Variants in PACRG observed in about 807,000 individuals in gnomAD.
PACRG encodes the protein parkin coregulated.
PACRG carries 29 observed loss-of-function variants against 29.7 expected under a neutral mutation model. That is an observed-to-expected ratio of 0.98 (90% CI 0.73 to 1.33). The LOEUF (loss-of-function observed/expected upper bound fraction) is 1.33, where lower values mean the gene tolerates loss of function less well. PACRG is among the 40% of genes most tolerant of loss of function. The pLI, the probability that PACRG is intolerant of heterozygous loss-of-function variation, is 0.00. For synonymous variants in PACRG, 116 were observed against 118.7 expected (o/e 0.98, Z 0.15); for missense variants, 279 against 316.2 (o/e 0.88, Z 0.89).
At chr6:163,265,580 G>A (rs1783502968) in intron 4 of PACRG, among the ~76,000 whole-genome samples, 1 of 152,150 alleles carries the variant, frequency 6.6e-6, no homozygotes, top group Non-Finnish European at 1.5e-5. Flanking sequence ...TATATAATAA[G>A]CATATAGTGT....
intron 2 of PACRG, among the ~76,000 whole-genome samples, chr6:162,944,247 T>C (rs1039353184): frequency 6.6e-6 from 1 of 152,138 alleles, no homozygotes; most frequent in African/African-American, 2.4e-5. Context: ...AGAGAAACTA[T>C]ACTACTGCAT....
chr6:162,846,293 G>A (rs1161963576), intron 2 of PACRG, among the ~76,000 whole-genome samples: 2 of 152,224 alleles, frequency 1.3e-5, no homozygotes, highest in African/African-American at 2.4e-5. Flanking sequence ...ATTTTACAGT[G>A]CAGAGCTTGG....
chr6:162,831,283 A>G (rs1877769), intron 2 of PACRG, among the ~76,000 whole-genome samples: 26,194 of 152,110 alleles, frequency 0.17, 2,469 homozygotes, highest in East Asian at 0.34. Context: ...TGTTCAATTT[A>G]TATTTATTGC....
intron 1 of PACRG, among the ~76,000 whole-genome samples, chr6:162,786,574 G>T (rs1054568251): frequency 7.2e-5 from 11 of 152,202 alleles, no homozygotes; most frequent in South Asian, 4.1e-4. Context: ...GAGAAGGGTA[G>T]AGCCATAGTG....
chr6:163,256,743 C>T (rs1783125789), intron 4 of PACRG, among the ~76,000 whole-genome samples: 1 of 152,194 alleles, frequency 6.6e-6, no homozygotes, highest in Non-Finnish European at 1.5e-5. Context: ...ACTGTGAGGA[C>T]ACTGACGGTG....
At chr6:162,752,578 A>G (rs558270745) in intron 1 of PACRG, among the ~76,000 whole-genome samples, 111 of 152,300 alleles carry the variant, frequency 7.3e-4, no homozygotes, top group African/African-American at 2.6e-3. Flanking sequence ...TAGGAAACCA[A>G]TGTTTCCCAA....
rs972136852 is a variant in PACRG, at chr6:163,100,956, G to A, written c.613+11548G>A. On this transcript the variant is annotated intron_variant, in intron 4 of 4. Coordinates refer to ENST00000366888, the MANE Select transcript of PACRG (RefSeq NM_001080379.2). ...AAAGAAGAAAGGTAAAGATGGCAACGTAATTATGACCAAGTTCTGTTCAGA... is the reference window on the plus strand; with the variant it reads ...AAAGAAGAAAGGTAAAGATGGCAACATAATTATGACCAAGTTCTGTTCAGA... The A allele has an allele frequency of 1.5e-5, 15 of 984,802 alleles. No individual in the cohort carries two copies. The African/African-American group carries it at 1.7e-4, about 11-fold the overall frequency. The allele number at this position is 984,802 out of a possible 1,614,324, so 61.0% of individuals were successfully genotyped here.
At chr6:162,925,333 ACATAAAACCCTGG>A (rs1797354833) in intron 2 of PACRG, among the ~76,000 whole-genome samples, 1 of 152,158 alleles carries the variant, frequency 6.6e-6, no homozygotes, top group African/African-American at 2.4e-5. Context: ...TATCATCCTG[ACATAAAACCCTGG>A]CAGAGACACA....
intron 4 of PACRG, among the ~76,000 whole-genome samples, chr6:163,231,776 G>A (rs1287430539): frequency 5.3e-5 from 8 of 152,126 alleles, no homozygotes; most frequent in African/African-American, 1.9e-4. Context: ...TCAACAAGCA[G>A]AGATCCATTT....
At chr6:163,222,787 AAC>A (rs1407601476) in intron 4 of PACRG, among the ~76,000 whole-genome samples, 3 of 152,184 alleles carry the variant, frequency 2.0e-5, no homozygotes, top group Non-Finnish European at 2.9e-5. Context: ...CAGATAAATA[AAC>A]AGTTATAAGT....
chr6:162,875,235 GCACAGACATTCACA>G (rs888384958), intron 2 of PACRG, among the ~76,000 whole-genome samples: 17 of 141,592 alleles, frequency 1.2e-4, no homozygotes, highest in Admixed American at 4.2e-4. Flanking sequence ...ACACAGACAT[GCACAGACATTCACA>G]CACAGACATG....
chr6:163,034,499 C>T (rs1053915412), intron 2 of PACRG, among the ~76,000 whole-genome samples: 15 of 151,928 alleles, frequency 9.9e-5, no homozygotes, highest in South Asian at 4.2e-4. Context: ...GTCAAGCATC[C>T]GTGCCTTTTA....
At chr6:163,230,058 A>G (rs1781964790) in intron 4 of PACRG, among the ~76,000 whole-genome samples, 1 of 152,216 alleles carries the variant, frequency 6.6e-6, no homozygotes, top group Non-Finnish European at 1.5e-5. Flanking sequence ...TCAAAGTCCT[A>G]TTTACTTCCA....
intron 2 of PACRG, among the ~76,000 whole-genome samples, chr6:162,915,691 C>A (rs1037140908): frequency 6.6e-6 from 1 of 151,936 alleles, no homozygotes; most frequent in African/African-American, 2.4e-5. Context: ...ATCAGCTATT[C>A]TTTTGTATTG....
At chr6:163,043,919 G>T (rs1053770780) in intron 2 of PACRG, among the ~76,000 whole-genome samples, 6 of 152,130 alleles carry the variant, frequency 3.9e-5, no homozygotes, top group African/African-American at 1.4e-4. Flanking sequence ...CTGGGTTTTG[G>T]AAGAGTCAGA....
At chr6:162,941,649 C>G (rs533625179) in intron 2 of PACRG, among the ~76,000 whole-genome samples, 1 of 152,286 alleles carries the variant, frequency 6.6e-6, no homozygotes, top group East Asian at 1.9e-4. Flanking sequence ...CACACTCTCC[C>G]CATGCACTTT....
chr6:163,194,415 T>C (rs1167876979), intron 4 of PACRG, among the ~76,000 whole-genome samples: 1 of 151,930 alleles, frequency 6.6e-6, no homozygotes, highest in Non-Finnish European at 1.5e-5. Flanking sequence ...CCTCCTTTCA[T>C]ATCTTTCTTT....
At chr6:163,212,945 A>AT (rs1187579452) in intron 4 of PACRG, among the ~76,000 whole-genome samples, 1 of 152,000 alleles carries the variant, frequency 6.6e-6, no homozygotes, top group East Asian at 1.9e-4. Flanking sequence ...CGCCCAGCTA[A>AT]TTTTTTGTAT....
intron 4 of PACRG, among the ~76,000 whole-genome samples, chr6:163,272,515 T>G (rs1783870516): frequency 6.6e-6 from 1 of 152,346 alleles, no homozygotes; most frequent in Non-Finnish European, 1.5e-5. Context: ...CATTGACTAT[T>G]TCCTATAGTA....
Sources: allele counts gnomAD v4.1 joint callset (sites outside exome capture counted in the v4.1 genomes callset), GRCh38; gene constraint gnomAD v4.1.1; transcripts MANE v1.5; gene names NCBI Gene and HGNC (gene_info 2026-07-23, HGNC 2026-07-21).